The following TTC7B variants were observed in gnomAD, a reference collection of about 807,000 sequenced individuals.
TTC7B encodes the protein tetratricopeptide repeat domain 7B.
A neutral mutation model predicts 106.8 loss-of-function variants in TTC7B; 28 were observed. That is an observed-to-expected ratio of 0.26 (90% CI 0.19 to 0.36). TTC7B has a LOEUF of 0.36. Among genes scored for constraint, TTC7B ranks in the 10% least tolerant of loss-of-function variants. The probability of loss-of-function intolerance (pLI) is 1.00; values close to 1 mark genes in which losing one functional copy is unlikely to be tolerated. For synonymous variants in TTC7B, 405 were observed against 430.6 expected, an observed-to-expected ratio of 0.94 and a Z score of 0.74; for missense variants, 862 against 1,076.4, an observed-to-expected ratio of 0.80 and a Z score of 2.79.
intron 15 of TTC7B, among the ~76,000 whole-genome samples, chr14:90,637,863 C>A (rs1486151197): frequency 1.3e-5 from 2 of 152,176 alleles, no homozygotes; most frequent in Non-Finnish European, 2.9e-5. Flanking sequence ...CTTCTTTAAT[C>A]TCTTAAATAG....
chr14:90,723,156 G>A (rs1018863168), intron 5 of TTC7B, among the ~76,000 whole-genome samples: 3 of 152,054 alleles, frequency 2.0e-5, no homozygotes, highest in Non-Finnish European at 2.9e-5. Flanking sequence ...TTGTCTCCAC[G>A]CATCTAACCA....
intron 17 of TTC7B, among the ~76,000 whole-genome samples, chr14:90,595,068 T>G (rs564330027): frequency 6.6e-6 from 1 of 151,792 alleles, no homozygotes; most frequent in Non-Finnish European, 1.5e-5. Context: ...GCGCGGTGGC[T>G]CACGCCTATA....
At chr14:90,556,721 C>T (rs2139778427) in intron 19 of TTC7B, among the ~76,000 whole-genome samples, 1 of 152,296 alleles carries the variant, frequency 6.6e-6, no homozygotes, top group South Asian at 2.1e-4. Flanking sequence ...GCCAGTGCCC[C>T]TGCACTTTGG....
chr14:90,671,452 C>T (rs1056785613), intron 9 of TTC7B, among the ~76,000 whole-genome samples: 40 of 152,302 alleles, frequency 2.6e-4, no homozygotes, highest in Admixed American at 2.6e-4. Context: ...AATATCCTGT[C>T]GAAATGGAGC....
At chr14:90,586,150 C>A (rs901406298) in intron 18 of TTC7B, among the ~76,000 whole-genome samples, 1 of 152,196 alleles carries the variant, frequency 6.6e-6, no homozygotes, top group Non-Finnish European at 1.5e-5. Context: ...CCCAGGTTCT[C>A]GCCTTCACCG....
chr14:90,644,342 G>T, intron 14 of TTC7B, 134 bp from the exon 15 acceptor site: 2 of 961,814 alleles, frequency 2.1e-6, no homozygotes, highest in Non-Finnish European at 3.0e-6. Context: ...GTTTCACATT[G>T]TGCCTCATTC....
intron 1 of TTC7B, among the ~76,000 whole-genome samples, chr14:90,814,268 G>A (rs1050493325): frequency 2.6e-5 from 4 of 152,162 alleles, no homozygotes; most frequent in African/African-American, 9.7e-5. Context: ...AAGGGCCCAG[G>A]CCACCAAAAA....
At chr14:90,769,686 T>C (rs893124564) in intron 3 of TTC7B, among the ~76,000 whole-genome samples, 3 of 152,104 alleles carry the variant, frequency 2.0e-5, no homozygotes, top group African/African-American at 7.2e-5. Context: ...AGAGGATCAC[T>C]TGAACTCAGG....
At chr14:90,758,052 G>A (rs1890362280) in intron 3 of TTC7B, among the ~76,000 whole-genome samples, 1 of 152,068 alleles carries the variant, frequency 6.6e-6, no homozygotes, top group South Asian at 2.1e-4. Context: ...CCTGCGAACA[G>A]CCAGGGCCTG....
intron 4 of TTC7B, among the ~76,000 whole-genome samples, chr14:90,741,936 CCAGAGCCAGAAATTTGAAAAT>C (rs1378773331): frequency 2.6e-5 from 4 of 152,090 alleles, no homozygotes; most frequent in Admixed American, 6.6e-5. Flanking sequence ...AAAGAAAACG[CCAGAGCCAGAAATTTGAAAAT>C]CAGAGCCAGA....
At position 90,610,731 on chromosome 14, in the gene TTC7B, T is replaced by G. The variant is rs777579738; in HGVS notation, c.1966+11A>C. On this transcript the variant is annotated intron_variant, in intron 17 of 19. Transcript: ENST00000328459. ...TACACCATTTCGTCCCCTCTGGCTT[T>G]TTATTCTCACCTGTCTCGGGATCGC... 6.2e-7 allele frequency: 1 copy of G among 1,604,616 alleles called. No homozygotes were observed. The highest frequency in any genetic ancestry group is 1.1e-5 in the South Asian group (1 of 90,880).
In TTC7B at chr14:90,805,730, G is replaced by C. The variant is rs1210206180; in HGVS notation, c.121+10445C>G. 6.6e-6 allele frequency among the ~76,000 whole-genome samples: 1 copy of C among 152,238 alleles called. No individual in the cohort carries two copies. The highest frequency in any genetic ancestry group is 2.1e-4 in the South Asian group (1 of 4,834). ...CAGAGATAAAGCCTGAAGCCGAATAGAGACCACTAGTGAGACTCTCATCAA... is the reference window on the plus strand; with the variant it reads ...CAGAGATAAAGCCTGAAGCCGAATACAGACCACTAGTGAGACTCTCATCAA... On this transcript the variant is annotated intron_variant, in intron 1 of 19. Coordinates refer to ENST00000328459, the MANE Select transcript of TTC7B (RefSeq NM_001010854.2). The surrounding 1 kb of genome is among the most constrained non-coding windows in gnomAD (Gnocchi z 4.0).
chr14:90,662,237 T>C (rs1886237067), intron 9 of TTC7B, among the ~76,000 whole-genome samples: 1 of 152,192 alleles, frequency 6.6e-6, no homozygotes, highest in Non-Finnish European at 1.5e-5. Flanking sequence ...CCTCTGAATC[T>C]GCAGGTAGGG....
In TTC7B at chr14:90,805,027, C is replaced by T. The variant is rs547666688; in HGVS notation, c.121+11148G>A. ...CCCCGCCAGCAAGCCAGGACTCACC[C>T]GGAGCCCCAGGCAGGCAGGGCTACA... is the stretch of plus-strand genomic sequence containing the variant. On this transcript the variant is annotated intron_variant, in intron 1 of 19. Transcript: ENST00000328459. This position sits in a 1 kb window ranked among gnomAD's most constrained non-coding sequence, Gnocchi z 4.0. 3.9e-5 allele frequency among the ~76,000 whole-genome samples: 6 copies of T among 152,224 alleles called. No individual in the cohort carries two copies. Among genetic ancestry groups the T allele is most frequent in the South Asian group, 4.2e-4 (2 of 4,814 alleles).
At chr14:90,627,329 G>A (rs898141441) in intron 15 of TTC7B, among the ~76,000 whole-genome samples, 1 of 152,028 alleles carries the variant, frequency 6.6e-6, no homozygotes, top group African/African-American at 2.4e-5. Flanking sequence ...AGAAGGGGTC[G>A]CAGCACACAA....
rs1486120927 is a variant in TTC7B, at chr14:90,657,813, A to AT, written c.1236+490dup. On this transcript the variant is annotated intron_variant, in intron 10 of 19. Transcript: ENST00000328459. This position sits in a 1 kb window ranked among gnomAD's most constrained non-coding sequence, Gnocchi z 4.2. ...ATGGAGCAGGTGCTGTTCTTACTCC[A>AT]TTTTACCGAGGAAACTGAGCTGCTC... is the stretch of plus-strand genomic sequence containing the variant. 6 of 185,886 alleles carry AT rather than the reference A, an allele frequency of 3.2e-5. No homozygotes were observed. Among genetic ancestry groups the AT allele is most frequent in the African/African-American group, 1.4e-4 (6 of 42,204 alleles). 11.5% of individuals were successfully genotyped at this position (185,886 alleles called of 1,614,324 possible).
chr14:90,576,209 A>C (rs1891258125), intron 19 of TTC7B, among the ~76,000 whole-genome samples: 1 of 152,176 alleles, frequency 6.6e-6, no homozygotes, highest in South Asian at 2.1e-4. Flanking sequence ...GGAAACATGC[A>C]GCCTCTTTTT....
At position 90,617,941 on chromosome 14, in the gene TTC7B, A is replaced by G; in HGVS notation, c.1856T>C (p.Leu619Pro). 1 of 1,613,202 alleles carries G rather than the reference A, an allele frequency of 6.2e-7. No homozygotes were observed. The highest frequency in any genetic ancestry group is 1.7e-5 in the Admixed American group (1 of 60,016). The change falls in exon 16 of 20, where the codon CTC (leucine) becomes CCC (proline). Residue 619 changes from leucine to proline, a missense_variant. Transcript: ENST00000328459. Reference protein sequence around the residue: ...MLQIWKSCYNLTNPSDSGRGS... With the variant: ...MLQIWKSCYNPTNPSDSGRGS... The stretch of plus-strand genomic sequence containing the variant: ...GCTGGCCTCTTACCTGGGGTTGGTG[A>G]GGTTGTAGCAGGATTTCCATATCTG...
At chr14:90,554,677 T>C (rs1595153953) in intron 19 of TTC7B, among the ~76,000 whole-genome samples, 1 of 152,068 alleles carries the variant, frequency 6.6e-6, no homozygotes, top group African/African-American at 2.4e-5. Context: ...ATGTGTGTAG[T>C]CCCAGCATCT....
Sources: allele counts gnomAD v4.1 joint callset (sites outside exome capture counted in the v4.1 genomes callset), GRCh38; gene constraint gnomAD v4.1.1; non-coding constraint Gnocchi (gnomAD v3.1); transcripts MANE v1.5; gene names NCBI Gene and HGNC (gene_info 2026-07-23, HGNC 2026-07-21).